The following PLA2G6 variants were observed in gnomAD, a reference collection of about 807,000 sequenced individuals.
PLA2G6 encodes the protein 85/88 kDa calcium-independent phospholipase A2.
Under a neutral mutation model 83.8 loss-of-function variants are expected in PLA2G6, and 62 were observed. That is an observed-to-expected ratio of 0.74 (90% CI 0.60 to 0.91). The LOEUF is 0.91. Ranked by LOEUF, PLA2G6 falls within the 40% of genes least tolerant of loss-of-function variation. The pLI, the probability that PLA2G6 is intolerant of heterozygous loss-of-function variation, is 0.00. For missense variants in PLA2G6, 944 were observed against 1,102.0 expected, an observed-to-expected ratio of 0.86 and a Z score of 2.03; for synonymous variants, 417 against 449.8, an observed-to-expected ratio of 0.93 and a Z score of 0.92.
chr22:38,169,612 A>C (rs2090356969), intron 1 of PLA2G6, 141 bp from the exon 2 acceptor site: 6 of 631,610 alleles, frequency 9.5e-6, no homozygotes, highest in Non-Finnish European at 1.7e-5. Flanking sequence ...GGATCTTAAA[A>C]GGAGGGGAAA....
chr22:38,113,947 C>A, intron 14 of PLA2G6: 1 of 503,910 alleles, frequency 2.0e-6, no homozygotes, highest in South Asian at 1.8e-5. Context: ...CTGATGCTGG[C>A]CCAAGTCAAG....
intron 2 of PLA2G6, chr22:38,146,099 A>G: frequency 4.4e-6 from 1 of 227,890 alleles, no homozygotes; most frequent in Non-Finnish European, 8.9e-6. Flanking sequence ...GCAGTGTTGT[A>G]ATCTCACCTC....
Position 38,169,422 on chromosome 22 carries a change from T to C in PLA2G6, c.5A>G (p.Gln2Arg). The C allele has an allele frequency of 6.2e-7, 1 of 1,613,976 alleles. No homozygotes were observed. Among genetic ancestry groups the C allele is most frequent in the Non-Finnish European group, 8.5e-7 (1 of 1,179,876 alleles). M[Q>R]FFGRLVNTFS... ...GGTATTGACCAGGCGGCCAAAGAAC[T>C]GCATCTTCTGCGGGGCAGGTGGGGA... Residue 2 changes from glutamine (Q) to arginine (R), a missense_variant, in exon 2 of 17, where the codon CAG becomes CGG. Coordinates refer to ENST00000332509, the MANE Select transcript of PLA2G6 (RefSeq NM_003560.4).
intron 2 of PLA2G6, among the ~76,000 whole-genome samples, chr22:38,151,645 A>G (rs768117418): frequency 6.6e-6 from 1 of 152,066 alleles, no homozygotes; most frequent in African/African-American, 2.4e-5. Context: ...GGGGATCTAA[A>G]TAAGTATTGA....
chr22:38,119,979 T>G (rs1487712935), intron 12 of PLA2G6, among the ~76,000 whole-genome samples: 5 of 148,454 alleles, frequency 3.4e-5, no homozygotes, highest in Non-Finnish European at 4.5e-5. Context: ...AGCCACAGAG[T>G]GGGAAAAAAG....
chr22:38,135,223 T>G, intron 5 of PLA2G6, 139 bp from the exon 6 acceptor site: 1 of 683,870 alleles, frequency 1.5e-6, no homozygotes, highest in Non-Finnish European at 2.7e-6. Flanking sequence ...ACCAGCACAC[T>G]CACCATGGTT....
rs1455588919 is a variant in PLA2G6 at position 38,112,125 on chromosome 22, C to T, written c.*36G>A. The T allele has an allele frequency of 8.3e-6, 13 of 1,557,804 alleles. No individual in the cohort carries two copies. Among genetic ancestry groups the T allele is most frequent in the East Asian group, 2.4e-5 (1 of 41,630 alleles). ...CTTGGCCTGGCAGGGGCTGAATGGA[C>T]GAGGTCAGCTGGGGCCGGTGAGAGG... On this transcript the variant is annotated 3_prime_UTR_variant, in exon 17 of 17. Coordinates refer to ENST00000332509, the MANE Select transcript of PLA2G6 (RefSeq NM_003560.4).
At chr22:38,119,504 G>A (rs2087401174) in intron 12 of PLA2G6, among the ~76,000 whole-genome samples, 1 of 152,226 alleles carries the variant, frequency 6.6e-6, no homozygotes, top group Non-Finnish European at 1.5e-5. Flanking sequence ...ATCGTGTGCT[G>A]CTTGGGGGCA....
rs565695220 is a variant in PLA2G6, at chr22:38,152,442, G to A, written c.210-6789C>T. The stretch of plus-strand genomic sequence containing the variant: ...GCTGGTCTCAAAACTCCCGACCTCA[G>A]GTGATCCACTCGCCTTGGCCACCCA... On this transcript the variant is annotated intron_variant, in intron 2 of 16. Transcript: ENST00000332509. 7.9e-5 allele frequency among the ~76,000 whole-genome samples: 12 copies of A among 152,032 alleles called. 1 individual carries two copies. Among genetic ancestry groups the A allele is most frequent in the African/African-American group, 2.9e-4 (12 of 41,460 alleles).
chr22:38,155,033 C>A (rs2089719940), intron 2 of PLA2G6, among the ~76,000 whole-genome samples: 1 of 152,176 alleles, frequency 6.6e-6, no homozygotes, highest in African/African-American at 2.4e-5. Context: ...CGAGACTATC[C>A]TGGCTAACAT....
intron 2 of PLA2G6, 27 bp downstream of exon 2, chr22:38,169,191 A>C (rs969247708): frequency 6.4e-7 from 1 of 1,557,410 alleles, no homozygotes; most frequent in Non-Finnish European, 8.8e-7. Flanking sequence ...AAAGGAGAGA[A>C]GTATGTTCCC....
At chr22:38,112,639 G>GGCCCT (rs1255375226) in intron 15 of PLA2G6, 62 bp from the exon 16 acceptor site, 18 of 1,382,932 alleles carry the variant, frequency 1.3e-5, no homozygotes, top group Middle Eastern at 4.4e-4. Context: ...CACCCCGCCC[G>GGCCCT]GCCCTGCCCT....
chr22:38,116,137 TC>T lies in PLA2G6; in HGVS notation c.1816del (p.Glu606LysfsTer60), dbSNP rs1273963356. 6.2e-7 allele frequency: 1 copy of T among 1,613,816 alleles called. No individual in the cohort carries two copies. Among genetic ancestry groups the T allele is most frequent in the Non-Finnish European group, 8.5e-7 (1 of 1,179,874 alleles). ...LHLFRNYDAP[E>X]TVREPRFNQN... Reference sequence around the variant, plus strand: ...GTTGAAACGAGGCTCCCGGACAGTTTCTGGAGCATCGTAGTTCCGGAAGAGG... The same window carrying T: ...GTTGAAACGAGGCTCCCGGACAGTTTTGGAGCATCGTAGTTCCGGAAGAGG... On this transcript the variant is annotated frameshift_variant, in exon 13 of 17. Coordinates refer to ENST00000332509, the MANE Select transcript of PLA2G6 (RefSeq NM_003560.4). LOFTEE classifies it high-confidence loss of function.
At chr22:38,179,923 G>A (rs1044680285) in intron 1 of PLA2G6, among the ~76,000 whole-genome samples, 3 of 151,872 alleles carry the variant, frequency 2.0e-5, no homozygotes, top group African/African-American at 7.3e-5. Flanking sequence ...GAATAGAGAC[G>A]GCACTTAAAG....
chr22:38,157,983 C>G (rs2089855193), intron 2 of PLA2G6, among the ~76,000 whole-genome samples: 1 of 151,432 alleles, frequency 6.6e-6, no homozygotes, highest in Non-Finnish European at 1.5e-5. Context: ...TTGCAGTGAG[C>G]TGAGATTGCA....
At chr22:38,149,538 A>T (rs553957316) in intron 2 of PLA2G6, 14 of 152,250 alleles carry the variant, frequency 9.2e-5, no homozygotes, top group Admixed American at 7.9e-4. Flanking sequence ...ATCTAATAAA[A>T]GATCTAGCAT....
chr22:38,117,342 G>A (rs1201499015), intron 12 of PLA2G6, among the ~76,000 whole-genome samples: 1 of 152,064 alleles, frequency 6.6e-6, no homozygotes, highest in African/African-American at 2.4e-5. Context: ...TGAGTAGCTG[G>A]GACTACAGGC....
At chr22:38,155,403 A>G (rs1355725781) in intron 2 of PLA2G6, among the ~76,000 whole-genome samples, 1 of 152,234 alleles carries the variant, frequency 6.6e-6, no homozygotes, top group Non-Finnish European at 1.5e-5. Context: ...CATATAGAAT[A>G]TTATAACACT....
rs570103048 is a variant in PLA2G6, at chr22:38,142,667, T to C, written c.609+438A>G. On this transcript the variant is annotated intron_variant, in intron 4 of 16. Transcript: ENST00000332509. ...TGTTTTAAGAAAGTTTGTGAATTTG[T>C]GTTGGGCCACATTCAAAGCCGTCCT... The C allele has an allele frequency of 3.7e-5, 10 of 269,576 alleles. No homozygotes were observed. The East Asian group carries it at 8.9e-4, about 24-fold the overall frequency. 16.7% of individuals were successfully genotyped at this position (269,576 alleles called of 1,614,324 possible). A position where few individuals can be genotyped will look rare whatever the true frequency, so the allele number is the denominator to read the frequency against.
Sources: gnomAD v4.1 joint callset for allele counts (sites outside exome capture counted in the v4.1 genomes callset) on GRCh38, gnomAD v4.1.1 for gene constraint, MANE v1.5 for transcripts, NCBI Gene and HGNC (gene_info 2026-07-23, HGNC 2026-07-21) for gene names.